TMEM272: variants seen among roughly 807,000 people sequenced by gnomAD.
The protein encoded by TMEM272 is transmembrane protein 272, also known as long intergenic non-protein coding RNA 282.
TMEM272 carries 8 observed loss-of-function variants against 3.7 expected under a neutral mutation model. That is an observed-to-expected ratio of 2.17 (90% CI 1.27 to 3.91). The LOEUF is 3.91. TMEM272 is among the 30% of genes most tolerant of loss of function. The pLI is 0.00. For synonymous variants in TMEM272, 63 were observed against 39.8 expected (o/e 1.58, Z -2.20); for missense variants, 166 against 91.5 (o/e 1.81, Z -3.32).
chr13:51,924,506 C>T, the TMEM272 span, among the ~76,000 whole-genome samples: 4 of 152,152 alleles, frequency 2.6e-5, no homozygotes, highest in African/African-American at 4.8e-5. Flanking sequence ...AGGGATGGAG[C>T]CCCCATCTGC....
chr13:51,817,054 C>A lies in TMEM272; in HGVS notation c.261G>T (p.Val87=). 1.4e-6 allele frequency: 1 copy of A among 702,984 alleles called. No homozygotes were observed. Among genetic ancestry groups the A allele is most frequent in the Non-Finnish European group, 2.6e-6 (1 of 384,990 alleles). The allele number at this position is 702,984 out of a possible 1,614,324, so 43.5% of individuals were successfully genotyped here. A position where few individuals can be genotyped will look rare whatever the true frequency, so the allele number is the denominator to read the frequency against. The change falls in exon 5 of 5, where the codon GTG becomes GTT. Residue 87 remains valine (V), a synonymous_variant. Transcript: ENST00000629372. ...ATTCGTCATCGTCATCGTCATCAAT[C>A]ACCACGGCCTTGGACAGCAGCCGCC... ...RMRRLLSKAV[V]IDDDDDDEYP...
At chr13:51,927,067 C>T in the TMEM272 span, among the ~76,000 whole-genome samples, 2 of 152,224 alleles carry the variant, frequency 1.3e-5, no homozygotes, top group Admixed American at 6.5e-5. Context: ...AAGTCACAAA[C>T]AGGCAATATC....
At chr13:51,930,107 T>TG in the TMEM272 span, among the ~76,000 whole-genome samples, 1 of 142,836 alleles carries the variant, frequency 7.0e-6, no homozygotes, top group Non-Finnish European at 1.5e-5. Flanking sequence ...CTTTTGGGGC[T>TG]GGGGAGGGAG....
chr13:51,885,138 G>C, the TMEM272 span, among the ~76,000 whole-genome samples: 34 of 152,280 alleles, frequency 2.2e-4, 2 homozygotes, highest in East Asian at 6.4e-3. Flanking sequence ...CAGTCTGCTA[G>C]GGGTATCCAT....
At chr13:51,825,565 C>G (rs1956117284) in intron 3 of TMEM272, among the ~76,000 whole-genome samples, 1 of 151,844 alleles carries the variant, frequency 6.6e-6, no homozygotes, top group African/African-American at 2.4e-5. Context: ...CTTTTACTTT[C>G]TGCTCCAATA....
At chr13:51,874,726 C>T in the TMEM272 span, among the ~76,000 whole-genome samples, 5 of 152,168 alleles carry the variant, frequency 3.3e-5, no homozygotes, top group East Asian at 3.9e-4. Context: ...CTCCCTCTCA[C>T]GGTTGCAGGT....
chr13:51,814,775 C>A lies in TMEM272; in HGVS notation c.*1976G>T, dbSNP rs1257414383. ...ATTTCTGCAACACTCTGGTGATACT[C>A]ATGCCTACCAGAAACTGGGAATGTC... is the stretch of plus-strand genomic sequence containing the variant. On this transcript the variant is annotated 3_prime_UTR_variant, in exon 5 of 5. Coordinates refer to ENST00000629372, the MANE Select transcript of TMEM272 (RefSeq NM_001351003.2). 6.6e-6 allele frequency: 1 copy of A among 152,290 alleles called. No homozygotes were observed. The highest frequency in any genetic ancestry group is 1.5e-5 in the Non-Finnish European group (1 of 68,076). The allele number at this position is 152,290 out of a possible 1,614,324, so 9.4% of individuals were successfully genotyped here.
At chr13:51,881,133 A>C in the TMEM272 span, among the ~76,000 whole-genome samples, 4 of 152,294 alleles carry the variant, frequency 2.6e-5, 1 homozygote, top group Admixed American at 6.5e-5. Flanking sequence ...ACTGAATAAC[A>C]CTGAAGGAAA....
chr13:51,886,422 A>G, the TMEM272 span, among the ~76,000 whole-genome samples: 11 of 152,208 alleles, frequency 7.2e-5, 1 homozygote, highest in Non-Finnish European at 1.5e-4. Context: ...GTGAGGAATG[A>G]ACTTATATTA....
chr13:51,930,135 C>T, the TMEM272 span, among the ~76,000 whole-genome samples: 5 of 152,120 alleles, frequency 3.3e-5, no homozygotes, highest in African/African-American at 9.7e-5. Flanking sequence ...CTTCCCCCCC[C>T]CCACTTTCTA....
At chr13:51,849,153 C>T (rs1169978705), upstream of TMEM272, among the ~76,000 whole-genome samples, 1 of 152,178 alleles carries the variant, frequency 6.6e-6, no homozygotes, top group African/African-American at 2.4e-5. Flanking sequence ...GGTCCCACAA[C>T]TAGTTCACAG....
the TMEM272 span, among the ~76,000 whole-genome samples, chr13:51,880,070 T>C: frequency 2.0e-5 from 3 of 152,130 alleles, no homozygotes; most frequent in Non-Finnish European, 2.9e-5. Flanking sequence ...GGTGGAATAG[T>C]TGGGGGTGGG....
chr13:51,815,383 G>C lies in TMEM272; in HGVS notation c.*1368C>G, dbSNP rs1384314717. Reference sequence around the variant, plus strand: ...CGGGGAGTGCTTCTAAACTGAAATGGGAAGACCCCATGGGACTCACGGGGC... The same window carrying C: ...CGGGGAGTGCTTCTAAACTGAAATGCGAAGACCCCATGGGACTCACGGGGC... On this transcript the variant is annotated 3_prime_UTR_variant, in exon 5 of 5. Coordinates refer to ENST00000629372, the MANE Select transcript of TMEM272 (RefSeq NM_001351003.2). 6.6e-6 allele frequency: 1 copy of C among 152,578 alleles called. No individual in the cohort carries two copies. The highest frequency in any genetic ancestry group is 1.5e-5 in the Non-Finnish European group (1 of 68,050). 9.5% of individuals were successfully genotyped at this position (152,578 alleles called of 1,614,324 possible).
At chr13:51,924,313 G>A in the TMEM272 span, among the ~76,000 whole-genome samples, 1 of 152,144 alleles carries the variant, frequency 6.6e-6, no homozygotes, top group African/African-American at 2.4e-5. Flanking sequence ...CCAACTCTTT[G>A]GGAGGCCAAG....
At chr13:51,848,903 A>G (rs139890785), upstream of TMEM272, among the ~76,000 whole-genome samples, 1,305 of 152,142 alleles carry the variant, frequency 8.6e-3, 18 homozygotes, top group East Asian at 0.031. Context: ...AATTCTTTTC[A>G]TGCTTTCTTT....
the TMEM272 span, among the ~76,000 whole-genome samples, chr13:51,858,863 G>A: frequency 2.6e-4 from 39 of 152,218 alleles, 1 homozygote; most frequent in South Asian, 8.1e-3. Flanking sequence ...CAAACAGTGA[G>A]AACTTCTCGA....
chr13:51,911,606 C>T, the TMEM272 span, among the ~76,000 whole-genome samples: 3 of 152,230 alleles, frequency 2.0e-5, no homozygotes, highest in Admixed American at 6.5e-5. Context: ...ATGTCCTTCA[C>T]GTACTAGATG....
At chr13:51,835,997 T>C (rs541700265) in intron 2 of TMEM272, among the ~76,000 whole-genome samples, 1 of 152,352 alleles carries the variant, frequency 6.6e-6, no homozygotes, top group African/African-American at 2.4e-5. Flanking sequence ...GGGTCCAGTC[T>C]AGGCTGAAGT....
At chr13:51,916,036 G>A in the TMEM272 span, among the ~76,000 whole-genome samples, 1 of 152,178 alleles carries the variant, frequency 6.6e-6, no homozygotes, top group Non-Finnish European at 1.5e-5. Context: ...TCACACCACT[G>A]CAGTCCAGCC....
Sources: allele counts gnomAD v4.1 joint callset (sites outside exome capture counted in the v4.1 genomes callset), GRCh38; gene constraint gnomAD v4.1.1; transcripts MANE v1.5; gene names NCBI Gene and HGNC (gene_info 2026-07-23, HGNC 2026-07-21).